The following ATL1 variants were observed in gnomAD, a reference collection of about 807,000 sequenced individuals.
ATL1 encodes atlastin-1.
A neutral mutation model predicts 75.5 loss-of-function variants in ATL1; 31 were observed. The observed-to-expected ratio is 0.41, with a 90% confidence interval of 0.31 to 0.55. The LOEUF (loss-of-function observed/expected upper bound fraction) is 0.55. Among genes scored for constraint, ATL1 ranks in the 20% least tolerant of loss-of-function variants. The probability of loss-of-function intolerance (pLI) is 0.27; values close to 1 mark genes in which losing one functional copy is unlikely to be tolerated. For synonymous variants in ATL1, 226 were observed against 233.3 expected (o/e 0.97, Z 0.28); for missense variants, 405 against 662.6 (o/e 0.61, Z 4.27).
intron 1 of ATL1, among the ~76,000 whole-genome samples, chr14:50,548,445 A>G (rs563125073): frequency 1.3e-5 from 2 of 152,330 alleles, no homozygotes; most frequent in East Asian, 1.9e-4. Flanking sequence ...AGATGCCACA[A>G]GGATGACTTA....
intron 1 of ATL1, among the ~76,000 whole-genome samples, chr14:50,575,303 A>G (rs1486667921): frequency 6.6e-6 from 1 of 152,016 alleles, no homozygotes; most frequent in Non-Finnish European, 1.5e-5. Context: ...ACTTCTTCCA[A>G]GGCCTTCATG....
intron 1 of ATL1, among the ~76,000 whole-genome samples, chr14:50,538,965 G>C (rs896390567): frequency 6.6e-6 from 1 of 152,158 alleles, no homozygotes; most frequent in African/African-American, 2.4e-5. Context: ...GACTATGGGT[G>C]CGCACCACTG....
At chr14:50,551,462 A>G (rs1213170804) in intron 1 of ATL1, among the ~76,000 whole-genome samples, 1 of 152,186 alleles carries the variant, frequency 6.6e-6, no homozygotes, top group Non-Finnish European at 1.5e-5. Context: ...AAGAATTGGT[A>G]CCAATTCTAC....
At chr14:50,582,478 C>T (rs1439928986) in intron 1 of ATL1, among the ~76,000 whole-genome samples, 1 of 149,970 alleles carries the variant, frequency 6.7e-6, no homozygotes, top group African/African-American at 2.4e-5. Flanking sequence ...GGTGTGATCT[C>T]AGCTCACTGC....
chr14:50,631,057 G>C, intron 13 of ATL1: 1 of 388,604 alleles, frequency 2.6e-6, no homozygotes, highest in South Asian at 1.9e-5. Flanking sequence ...TCAGGAGTTC[G>C]AGACCAGCCT....
At chr14:50,618,666 A>G (rs920987501) in intron 8 of ATL1, among the ~76,000 whole-genome samples, 2 of 152,142 alleles carry the variant, frequency 1.3e-5, no homozygotes, top group African/African-American at 4.8e-5. Context: ...GAAAATGCAA[A>G]CACAGTCTTA....
intron 5 of ATL1, among the ~76,000 whole-genome samples, chr14:50,594,284 G>A (rs181992138): frequency 1.3e-5 from 2 of 152,140 alleles, no homozygotes; most frequent in African/African-American, 4.8e-5. Context: ...AGAACAGCGT[G>A]GGGGAAACAG....
intron 8 of ATL1, among the ~76,000 whole-genome samples, chr14:50,616,455 G>GTTATTTAT (rs200056004): frequency 5.2e-4 from 73 of 141,342 alleles, no homozygotes; most frequent in South Asian, 7.3e-4. Context: ...ACCATGCCCG[G>GTTATTTAT]TTATTTATTT....
chr14:50,540,847 A>G (rs925370106), intron 1 of ATL1, among the ~76,000 whole-genome samples: 1 of 152,230 alleles, frequency 6.6e-6, no homozygotes, highest in African/African-American at 2.4e-5. Flanking sequence ...GAATACCAAG[A>G]TTAAATTTGA....
At chr14:50,559,023 C>T (rs544530210), upstream of ATL1, 3 of 152,270 alleles carry the variant, frequency 2.0e-5, no homozygotes, top group Admixed American at 6.5e-5. Context: ...AGGAAAACAA[C>T]GTGAGGATAA....
At chr14:50,602,794 A>G (rs2140216870) in intron 6 of ATL1, among the ~76,000 whole-genome samples, 1 of 152,222 alleles carries the variant, frequency 6.6e-6, no homozygotes, top group Non-Finnish European at 1.5e-5. Flanking sequence ...CTCACAGAGA[A>G]GAGATGGGGC....
At chr14:50,573,478 A>G (rs1294231384) in intron 1 of ATL1, among the ~76,000 whole-genome samples, 1 of 152,268 alleles carries the variant, frequency 6.6e-6, no homozygotes, top group Non-Finnish European at 1.5e-5. Context: ...ACTGGCTACA[A>G]TACTGAGCAG....
At chr14:50,536,243 G>C (rs1051216860) in intron 1 of ATL1, among the ~76,000 whole-genome samples, 6 of 152,192 alleles carry the variant, frequency 3.9e-5, no homozygotes, top group African/African-American at 1.4e-4. Flanking sequence ...TCGGGAGTTT[G>C]AGACCAGCCT....
intron 13 of ATL1, among the ~76,000 whole-genome samples, chr14:50,630,477 T>C (rs1252134522): frequency 6.6e-6 from 1 of 152,246 alleles, no homozygotes; most frequent in Non-Finnish European, 1.5e-5. Context: ...GTATGTATTC[T>C]TTCTTGGCAG....
intron 1 of ATL1, among the ~76,000 whole-genome samples, chr14:50,582,451 C>T (rs2039065232): frequency 6.6e-6 from 1 of 150,546 alleles, no homozygotes; most frequent in Non-Finnish European, 1.5e-5. Flanking sequence ...ACTCTGTCAC[C>T]CAGGCTGGCG....
chr14:50,607,622 A>C (rs1012744301), intron 6 of ATL1, among the ~76,000 whole-genome samples: 1 of 151,984 alleles, frequency 6.6e-6, no homozygotes, highest in Non-Finnish European at 1.5e-5. Context: ...GTTTACCTTT[A>C]CCTGAAACTG....
At chr14:50,600,778 T>C (rs1337434695) in intron 6 of ATL1, among the ~76,000 whole-genome samples, 2 of 152,098 alleles carry the variant, frequency 1.3e-5, no homozygotes, top group Admixed American at 6.5e-5. Flanking sequence ...AGGTGAGGGA[T>C]AATGAAATTT....
At chr14:50,579,713 T>C (rs1458369884) in intron 1 of ATL1, among the ~76,000 whole-genome samples, 1 of 152,190 alleles carries the variant, frequency 6.6e-6, no homozygotes, top group Non-Finnish European at 1.5e-5. Flanking sequence ...TAGATTTCAG[T>C]GGTATGTTGG....
At chr14:50,551,846 T>C (rs2140160900) in intron 1 of ATL1, among the ~76,000 whole-genome samples, 1 of 152,218 alleles carries the variant, frequency 6.6e-6, no homozygotes, top group South Asian at 2.1e-4. Flanking sequence ...AAAATTGTCA[T>C]AGATGGGACA....
Sources: allele counts gnomAD v4.1 joint callset (sites outside exome capture counted in the v4.1 genomes callset), GRCh38; gene constraint gnomAD v4.1.1; transcripts MANE v1.5; gene names NCBI Gene and HGNC (gene_info 2026-07-23, HGNC 2026-07-21).